ADAM2: variants seen among roughly 807,000 people sequenced by gnomAD.
The protein encoded by ADAM2 is ADAM metallopeptidase domain 2, also known as disintegrin and metalloproteinase domain-containing protein 2.
Under a neutral mutation model 99.3 loss-of-function variants are expected in ADAM2, and 101 were observed. The ratio of observed to expected loss-of-function variants is 1.02; its 90% CI spans 0.87 to 1.20. The LOEUF (loss-of-function observed/expected upper bound fraction) is 1.20, where lower values mean the gene tolerates loss of function less well. ADAM2 is among the 50% of genes most tolerant of loss of function. The pLI is 0.00. For missense variants in ADAM2, 948 were observed against 878.7 expected, an observed-to-expected ratio of 1.08 and a Z score of -1.00; for synonymous variants, 323 against 287.6, an observed-to-expected ratio of 1.12 and a Z score of -1.25.
intron 7 of ADAM2, among the ~76,000 whole-genome samples, chr8:39,807,444 A>C (rs971809755): frequency 3.9e-5 from 6 of 152,190 alleles, no homozygotes; most frequent in African/African-American, 9.6e-5. Flanking sequence ...AATATGGGGA[A>C]GTGAGGGCTG....
At chr8:39,774,462 G>T (rs941574692) in intron 11 of ADAM2, among the ~76,000 whole-genome samples, 19 of 151,902 alleles carry the variant, frequency 1.3e-4, no homozygotes, top group African/African-American at 4.6e-4. Context: ...AAAGCTGCAG[G>T]ATACAAGCTC....
rs538405239 is a variant in ADAM2, at chr8:39,756,588, C to T, written c.1614-677G>A. 3.3e-5 allele frequency among the ~76,000 whole-genome samples: 5 copies of T among 152,250 alleles called. No individual in the cohort carries two copies. The East Asian group carries it at 9.7e-4, about 29-fold the overall frequency. ...CAACTGCATATGTTGAGATAGACAA[C>T]ATATGTTATCTAAATAGCCTCCTAA... On this transcript the variant is annotated intron_variant, in intron 15 of 20. Transcript: ENST00000265708.
At position 39,767,019 on chromosome 8, in the gene ADAM2, TAC is replaced by T; in HGVS notation, c.1334_1335del (p.Cys445Ter). 1.9e-6 allele frequency: 3 copies of T among 1,614,014 alleles called. No individual in the cohort carries two copies. The highest frequency in any genetic ancestry group is 1.7e-6 in the Non-Finnish European group (2 of 1,179,902). ...AGGTCGCATTCTTCAAAGGAAGGCC[TAC>T]ACATTCTTTCTTTTGACATAAACTG... ...NCLFMSKERM[C>X]RPSFEECDLP... On this transcript the variant is annotated frameshift_variant, in exon 14 of 21. Coordinates refer to ENST00000265708, the MANE Select transcript of ADAM2 (RefSeq NM_001464.5). LOFTEE classifies it high-confidence loss of function.
chr8:39,750,599 G>A (rs1157176890), intron 16 of ADAM2, among the ~76,000 whole-genome samples: 2 of 152,134 alleles, frequency 1.3e-5, no homozygotes, highest in Admixed American at 6.6e-5. Context: ...AAAATGATAA[G>A]CATACAATGA....
intron 15 of ADAM2, among the ~76,000 whole-genome samples, chr8:39,756,498 C>A (rs1802157729): frequency 6.6e-6 from 1 of 152,110 alleles, no homozygotes; most frequent in Non-Finnish European, 1.5e-5. Flanking sequence ...TTAAATGCTA[C>A]CACATGACCA....
rs1174472435 is a variant in ADAM2, at chr8:39,805,932, C to A, written c.570+3478G>T. 5.9e-5 allele frequency among the ~76,000 whole-genome samples: 9 copies of A among 152,134 alleles called. No individual in the cohort carries two copies. The East Asian group carries it at 1.4e-3, about 23-fold the overall frequency. On this transcript the variant is annotated intron_variant, in intron 7 of 20. Transcript: ENST00000265708. ...ACAGCCAAAATGGTCTCGAAAGCAC[C>A]CATATAGTCATGGTAGTCAGGAATA...
chr8:39,807,261 G>T (rs1804479540), intron 7 of ADAM2, among the ~76,000 whole-genome samples: 1 of 152,194 alleles, frequency 6.6e-6, no homozygotes, highest in Non-Finnish European at 1.5e-5. Context: ...GGAACACAAA[G>T]TTCTACTTAT....
chr8:39,833,888 A>G, intron 3 of ADAM2, 56 bp downstream of exon 3: 2 of 972,336 alleles, frequency 2.1e-6, no homozygotes, highest in Non-Finnish European at 3.3e-6. Flanking sequence ...GGACAATTTC[A>G]AGCAAAAATT....
chr8:39,824,670 A>T, intron 4 of ADAM2, 149 bp downstream of exon 4: 1 of 616,912 alleles, frequency 1.6e-6, no homozygotes, highest in South Asian at 2.1e-5. Context: ...CTAACTCAGT[A>T]CATCAGTATA....
At chr8:39,775,584 C>T (rs1193621236) in intron 11 of ADAM2, among the ~76,000 whole-genome samples, 2 of 152,058 alleles carry the variant, frequency 1.3e-5, no homozygotes, top group Non-Finnish European at 2.9e-5. Flanking sequence ...CTATATGAAA[C>T]TGACTTTTAA....
chr8:39,752,934 T>C (rs1418788030), intron 16 of ADAM2, among the ~76,000 whole-genome samples: 1 of 152,178 alleles, frequency 6.6e-6, no homozygotes, highest in Non-Finnish European at 1.5e-5. Flanking sequence ...CTATATAAAT[T>C]ACCCAGTTTC....
chr8:39,756,430 A>G (rs915655709), intron 15 of ADAM2, among the ~76,000 whole-genome samples: 3 of 152,204 alleles, frequency 2.0e-5, no homozygotes, highest in Non-Finnish European at 2.9e-5. Flanking sequence ...GCATTTGCCT[A>G]CAGTACATGC....
intron 6 of ADAM2, 36 bp downstream of exon 6, chr8:39,820,966 G>C (rs768687279): frequency 5.0e-6 from 7 of 1,398,070 alleles, no homozygotes; most frequent in Non-Finnish European, 2.0e-6. Context: ...TTGCTGTATA[G>C]TAATAACCAT....
intron 11 of ADAM2, among the ~76,000 whole-genome samples, chr8:39,776,012 T>C (rs536938162): frequency 4.6e-5 from 7 of 152,248 alleles, no homozygotes; most frequent in Non-Finnish European, 8.8e-5. Flanking sequence ...CTACTGATAC[T>C]TGCCAGAGAT....
chr8:39,803,130 C>T (rs1804285312), intron 7 of ADAM2, among the ~76,000 whole-genome samples: 1 of 152,132 alleles, frequency 6.6e-6, no homozygotes, highest in South Asian at 2.1e-4. Context: ...TTAAAAATTT[C>T]ACTCTGAGAC....
At position 39,771,062 on chromosome 8, in the gene ADAM2, G is replaced by A. The variant is rs142981039; in HGVS notation, c.1029-1487C>T. On this transcript the variant is annotated intron_variant, in intron 11 of 20. Transcript: ENST00000265708. Reference sequence around the variant, plus strand: ...ACCTATAGTTACTCAATCATTCAGAGCAAAATCAGTGCGATGTATTCACCA... The same window carrying A: ...ACCTATAGTTACTCAATCATTCAGAACAAAATCAGTGCGATGTATTCACCA... Among the ~76,000 whole-genome samples, 124 of 152,250 alleles carry A rather than the reference G, an allele frequency of 8.1e-4. 1 individual carries two copies. The highest frequency in any genetic ancestry group is 2.7e-3 in the East Asian group (14 of 5,176).
chr8:39,837,355 A>G, intron 1 of ADAM2, 143 bp from the exon 2 acceptor site: 1 of 561,740 alleles, frequency 1.8e-6, no homozygotes, highest in Middle Eastern at 4.3e-4. Flanking sequence ...CTAAAAATAC[A>G]AGGAGGTTTT....
chr8:39,778,805 T>C (rs934107793), intron 10 of ADAM2, among the ~76,000 whole-genome samples: 1 of 152,090 alleles, frequency 6.6e-6, no homozygotes, highest in Admixed American at 6.6e-5. Context: ...TTCAAGAAGC[T>C]AAATACTGTA....
chr8:39,812,052 C>T (rs1216368143), intron 6 of ADAM2, among the ~76,000 whole-genome samples: 2 of 152,150 alleles, frequency 1.3e-5, no homozygotes, highest in Non-Finnish European at 2.9e-5. Flanking sequence ...CTAAAATCTC[C>T]TTAAGCTGAT....
Sources: allele counts gnomAD v4.1 joint callset (sites outside exome capture counted in the v4.1 genomes callset), GRCh38; gene constraint gnomAD v4.1.1; transcripts MANE v1.5; gene names NCBI Gene and HGNC (gene_info 2026-07-23, HGNC 2026-07-21).